Variants in CELF2 observed in about 807,000 individuals in gnomAD.
CELF2 encodes the protein CUGBP Elav-like family member 2, also known as CUG triplet repeat RNA-binding protein 2.
A neutral mutation model predicts 62.6 loss-of-function variants in CELF2; 8 were observed. The ratio of observed to expected loss-of-function variants is 0.13; its 90% CI spans 0.07 to 0.23. CELF2 has a LOEUF of 0.23. CELF2 is among the 10% of genes least tolerant of loss of function. CELF2 has a pLI of 1.00. For synonymous variants in CELF2, 258 were observed against 250.0 expected (o/e 1.03, Z -0.30); for missense variants, 333 against 671.0 (o/e 0.50, Z 5.56).
At chr10:10,802,643 T>A (rs1264639422) in intron 1 of CELF2, among the ~76,000 whole-genome samples, 1 of 152,192 alleles carries the variant, frequency 6.6e-6, no homozygotes, top group Non-Finnish European at 1.5e-5. Context: ...CTAAGTCACC[T>A]CTGGGGAAGG....
the CELF2 span, among the ~76,000 whole-genome samples, chr10:10,576,531 C>T: frequency 2.0e-3 from 299 of 152,156 alleles, no homozygotes; most frequent in African/African-American, 6.8e-3. Flanking sequence ...ATTAAGAACC[C>T]GATGGTACCA....
At position 11,217,434 on chromosome 10, in the gene CELF2, T is replaced by C; in HGVS notation, c.281T>C (p.Phe94Ser). ...TCATTTCTCTCTGTAGGTTGTTGTTTCGTAACATTTTATACAAGAAAAGCT... is the reference window on the plus strand; with the variant it reads ...TCATTTCTCTCTGTAGGTTGTTGTTCCGTAACATTTTATACAAGAAAAGCT... Reference protein sequence around the residue: ...QNPPQSKGCCFVTFYTRKAAL... With the variant: ...QNPPQSKGCCSVTFYTRKAAL... The change falls in exon 3 of 13, where the codon TTC becomes TCC. Residue 94 changes from phenylalanine to serine, a missense_variant. By Grantham distance (155) the Phe-to-Ser change is radical (BLOSUM62 -2). Transcript: ENST00000633077. This position sits in a 1 kb window ranked among gnomAD's most constrained non-coding sequence, Gnocchi z 5.6. 1 of 1,612,518 alleles carries C rather than the reference T, an allele frequency of 6.2e-7. No individual in the cohort carries two copies. The highest frequency in any genetic ancestry group is 8.5e-7 in the Non-Finnish European group (1 of 1,178,728).
rs922811021 is a variant in CELF2, at chr10:10,974,399, T to G, written c.89+54400T>G. ...AGTTAGAGAGAGGTGTTAGAAACAG[T>G]AAGCCTGAAATTCAATACTTAGATA... On this transcript the variant is annotated intron_variant, in intron 2 of 13. Coordinates refer to the CELF2 transcript ENST00000636488. 2.0e-5 allele frequency among the ~76,000 whole-genome samples: 3 copies of G among 152,192 alleles called. No homozygotes were observed. The East Asian group carries it at 5.8e-4, about 29-fold the overall frequency.
intron 1 of CELF2, among the ~76,000 whole-genome samples, chr10:11,146,174 A>G (rs2062234965): frequency 1.3e-5 from 2 of 152,174 alleles, no homozygotes; most frequent in South Asian, 4.1e-4. Context: ...TTTTCCATTT[A>G]CTACACTTCC....
In CELF2 at chr10:11,219,943, A is replaced by G. The variant is rs1589276148; in HGVS notation, c.354+2436A>G. Among the ~76,000 whole-genome samples, 5 of 152,272 alleles carry G rather than the reference A, an allele frequency of 3.3e-5. No individual in the cohort carries two copies. In the East Asian group the frequency reaches 7.7e-4, roughly 23 times the overall value. On this transcript the variant is annotated intron_variant, in intron 3 of 12. Coordinates refer to ENST00000633077, the MANE Select transcript of CELF2 (RefSeq NM_001326342.2). Reference sequence around the variant, plus strand: ...GAGACCCTGCTGTGCTAAATCTCTCATTAAATACCAAGTGAGTTCGGTAAT... The same window carrying G: ...GAGACCCTGCTGTGCTAAATCTCTCGTTAAATACCAAGTGAGTTCGGTAAT...
At chr10:10,852,555 G>A (rs779017811) in intron 1 of CELF2, among the ~76,000 whole-genome samples, 5 of 152,168 alleles carry the variant, frequency 3.3e-5, no homozygotes, top group Admixed American at 6.5e-5. Context: ...AATCCTACAC[G>A]TGTGGCAAAA....
intron 1 of CELF2, among the ~76,000 whole-genome samples, chr10:10,802,702 A>G (rs2131546771): frequency 6.6e-6 from 1 of 152,290 alleles, no homozygotes; most frequent in South Asian, 2.1e-4. Context: ...AGACAAGGGA[A>G]TAGATGAATT....
chr10:10,824,454 C>G (rs1162379216), intron 1 of CELF2, among the ~76,000 whole-genome samples: 3 of 152,282 alleles, frequency 2.0e-5, no homozygotes, highest in Non-Finnish European at 4.4e-5. Context: ...CAAGACTCTG[C>G]AGAGAAAAGA....
rs11256982 is a variant in CELF2 at position 11,110,161 on chromosome 10, G to A, written c.75-55325G>A. On this transcript the variant is annotated intron_variant, in intron 1 of 12. Transcript: ENST00000633077. This position sits in a 1 kb window ranked among gnomAD's most constrained non-coding sequence, Gnocchi z 4.0. ...CTGTAGTCCCAGCTACTTGGGGAGG[G>A]GAGAGCAGCTGCTGAGGCAGGAGGA... Among the ~76,000 whole-genome samples the A allele has an allele frequency of 1.3e-3, 201 of 152,156 alleles. 3 individuals are homozygous for A. The East Asian group carries it at 0.029, about 22-fold the overall frequency.
At chr10:11,042,394 C>T (rs981050549) in intron 1 of CELF2, among the ~76,000 whole-genome samples, 6 of 152,144 alleles carry the variant, frequency 3.9e-5, no homozygotes, top group Non-Finnish European at 5.9e-5. Context: ...GATGATTGAA[C>T]GGTCTCTCTT....
At chr10:10,538,464 C>G in the CELF2 span, among the ~76,000 whole-genome samples, 15 of 152,256 alleles carry the variant, frequency 9.9e-5, no homozygotes, top group South Asian at 2.1e-4. Context: ...ACTCCCTATG[C>G]TTGATCTCAA....
intron 1 of CELF2, among the ~76,000 whole-genome samples, chr10:10,855,333 C>A (rs894687928): frequency 6.6e-6 from 1 of 152,218 alleles, no homozygotes; most frequent in African/African-American, 2.4e-5. Context: ...CAAAGTGACA[C>A]TGCTGTCACC....
At chr10:10,711,266 T>C in the CELF2 span, among the ~76,000 whole-genome samples, 1 of 152,204 alleles carries the variant, frequency 6.6e-6, no homozygotes, top group Non-Finnish European at 1.5e-5. Context: ...TGGAATTCAG[T>C]ATATGACAGA....
At chr10:10,827,020 C>G (rs2057446229) in intron 1 of CELF2, among the ~76,000 whole-genome samples, 1 of 152,156 alleles carries the variant, frequency 6.6e-6, no homozygotes, top group African/African-American at 2.4e-5. Flanking sequence ...TGAAGGAATG[C>G]TCTAGATAGG....
chr10:10,971,601 T>A (rs1376562009), intron 2 of CELF2, among the ~76,000 whole-genome samples: 1 of 152,180 alleles, frequency 6.6e-6, no homozygotes, highest in African/African-American at 2.4e-5. Flanking sequence ...TGTTGTTTTG[T>A]TTACAGACAG....
In CELF2 at chr10:10,983,191, T is replaced by C. The variant is rs900842026; in HGVS notation, c.89+63192T>C. Among the ~76,000 whole-genome samples the C allele has an allele frequency of 6.6e-6, 1 of 152,216 alleles. No individual in the cohort carries two copies. On this transcript the variant is annotated intron_variant, in intron 2 of 13. Transcript: ENST00000636488. The surrounding 1 kb of genome is among the most constrained non-coding windows in gnomAD (Gnocchi z 5.2). ...TTCAGACACATAGGTTTATACAAGA[T>C]GAAAATATTAGATAAAAAGTGATAC...
At chr10:10,616,856 G>A in the CELF2 span, among the ~76,000 whole-genome samples, 2 of 151,792 alleles carry the variant, frequency 1.3e-5, no homozygotes, top group Non-Finnish European at 2.9e-5. Context: ...CCATGTAGCT[G>A]GGACCACAGG....
chr10:10,463,328 G>A, the CELF2 span, among the ~76,000 whole-genome samples: 1 of 152,136 alleles, frequency 6.6e-6, no homozygotes, highest in East Asian at 1.9e-4. Context: ...TGTTGTGGGG[G>A]AATAACTGAA....
the CELF2 span, among the ~76,000 whole-genome samples, chr10:10,624,016 T>C: frequency 6.6e-6 from 1 of 152,134 alleles, no homozygotes; most frequent in Non-Finnish European, 1.5e-5. Context: ...ACTCTGCAAG[T>C]CTTTGTGGAT....
Sources: allele counts gnomAD v4.1 joint callset (sites outside exome capture counted in the v4.1 genomes callset), GRCh38; gene constraint gnomAD v4.1.1; non-coding constraint Gnocchi (gnomAD v3.1); transcripts MANE v1.5; gene names NCBI Gene and HGNC (gene_info 2026-07-23, HGNC 2026-07-21).